Variants in ABCA4 observed in about 807,000 individuals in gnomAD.
ABCA4 encodes retinal-specific phospholipid-transporting ATPase ABCA4.
In ABCA4, 196 loss-of-function variants were observed where a neutral mutation model predicts 263.7. The observed-to-expected ratio is 0.74, with a 90% CI of 0.66 to 0.84. The LOEUF (loss-of-function observed/expected upper bound fraction) is 0.84, where lower values mean the gene tolerates loss of function less well. ABCA4 is among the 40% of genes least tolerant of loss of function. ABCA4 has a pLI of 0.00. For synonymous variants in ABCA4, 1,133 were observed against 1,094.2 expected (o/e 1.04, Z -0.70); for missense variants, 2,792 against 2,855.1 (o/e 0.98, Z 0.50).
chr1:94,050,138 T>C (rs1660794460), intron 17 of ABCA4, among the ~76,000 whole-genome samples: 1 of 152,228 alleles, frequency 6.6e-6, no homozygotes, highest in Non-Finnish European at 1.5e-5. Flanking sequence ...GTCAGGGACC[T>C]GCTGCCTCTA....
chr1:93,999,627 G>C (rs1659122420), intron 47 of ABCA4, among the ~76,000 whole-genome samples: 1 of 152,152 alleles, frequency 6.6e-6, no homozygotes, highest in African/African-American at 2.4e-5. Context: ...AGTACCCTAT[G>C]CCCTGGTATC....
rs1441831945 is a variant in ABCA4 at position 93,998,699 on chromosome 1, ATTTATTTTATTTTATTTAT to A, written c.6480-608_6480-590del. On this transcript the variant is annotated intron_variant, in intron 47 of 49. Transcript: ENST00000370225. ...ACTTGCTGAAGTCAAAGGTAGTTTT[ATTTATTTTATTTTATTTAT>A]TTTATTTTATTTTATTTTATTTTAT... Among the ~76,000 whole-genome samples, 14 of 138,756 alleles carry A rather than the reference ATTTATTTTATTTTATTTAT, an allele frequency of 1.0e-4. No individual in the cohort carries two copies. The East Asian group carries it at 3.0e-3, about 30-fold the overall frequency. The allele number at this position is 138,756 out of a possible 152,430, so 91.0% of individuals were successfully genotyped here. A position where few individuals can be genotyped will look rare whatever the true frequency, so the allele number is the denominator to read the frequency against.
chr1:94,102,930 GAAAAA>G, intron 5 of ABCA4, 80 bp downstream of exon 5: 3 of 1,581,362 alleles, frequency 1.9e-6, no homozygotes, highest in Non-Finnish European at 1.7e-6. Context: ...GAAGAAAGAA[GAAAAA>G]AGCCAATATA....
At chr1:94,063,376 C>T in intron 11 of ABCA4, 59 bp from the exon 12 acceptor site, 1 of 1,508,386 alleles carries the variant, frequency 6.6e-7, no homozygotes, top group East Asian at 2.3e-5. Flanking sequence ...AGACTCAACT[C>T]TACACACAGA....
At chr1:94,008,690 G>A in intron 41 of ABCA4, 61 bp downstream of exon 41, 1 of 1,611,554 alleles carries the variant, frequency 6.2e-7, no homozygotes, top group Non-Finnish European at 8.5e-7. Flanking sequence ...GAAGGAAAAT[G>A]GCAACATCAT....
intron 6 of ABCA4, among the ~76,000 whole-genome samples, chr1:94,096,967 T>C (rs1397478979): frequency 6.6e-6 from 1 of 152,184 alleles, no homozygotes; most frequent in East Asian, 1.9e-4. Flanking sequence ...CTCTGGTGGC[T>C]CTGCAAACAC....
chr1:94,045,441 A>T (rs1660646462), intron 19 of ABCA4, among the ~76,000 whole-genome samples: 1 of 152,132 alleles, frequency 6.6e-6, no homozygotes, highest in South Asian at 2.1e-4. Context: ...AAACTCAAAA[A>T]TATTATTACT....
At chr1:94,026,598 C>A (rs1660046220) in intron 30 of ABCA4, among the ~76,000 whole-genome samples, 1 of 152,160 alleles carries the variant, frequency 6.6e-6, no homozygotes, top group African/African-American at 2.4e-5. Flanking sequence ...CTGGTGGAAT[C>A]CAGGTTGGAA....
At chr1:94,091,636 T>C (rs1275947231) in intron 6 of ABCA4, among the ~76,000 whole-genome samples, 1 of 148,640 alleles carries the variant, frequency 6.7e-6, no homozygotes, top group Non-Finnish European at 1.5e-5. Flanking sequence ...CAATTTCCTA[T>C]GCCAAATAAG....
At chr1:94,107,169 T>C (rs574866384) in intron 4 of ABCA4, among the ~76,000 whole-genome samples, 7 of 152,274 alleles carry the variant, frequency 4.6e-5, no homozygotes, top group Non-Finnish European at 7.4e-5. Flanking sequence ...TGGTGACCCC[T>C]TTCTCATCCC....
At chr1:93,996,338 G>T in intron 48 of ABCA4, 143 bp from the exon 49 acceptor site, 1 of 719,456 alleles carries the variant, frequency 1.4e-6, no homozygotes, top group East Asian at 2.7e-5. Flanking sequence ...GGGGAGGCTG[G>T]CCCACTCACA....
At chr1:94,000,808 C>G (rs761111942) in intron 47 of ABCA4, 28 bp downstream of exon 47, 1 of 1,607,074 alleles carries the variant, frequency 6.2e-7, no homozygotes. Flanking sequence ...CAGAAGGCAA[C>G]AAGGGGCACG....
intron 7 of ABCA4, among the ~76,000 whole-genome samples, chr1:94,081,284 C>A (rs1661695193): frequency 6.6e-6 from 1 of 152,048 alleles, no homozygotes; most frequent in Admixed American, 6.6e-5. Flanking sequence ...TGTAGTATAG[C>A]CTCTCTTCTT....
At chr1:94,042,530 T>TTGGG (rs1557778059) in intron 22 of ABCA4, among the ~76,000 whole-genome samples, 10 of 152,208 alleles carry the variant, frequency 6.6e-5, no homozygotes, top group Admixed American at 5.2e-4. Context: ...GAGAATTTTC[T>TTGGG]AAAATATTTT....
intron 45 of ABCA4, chr1:94,001,626 G>T (rs1163894167): frequency 1.4e-6 from 1 of 692,610 alleles, no homozygotes. Flanking sequence ...GACATCCTGG[G>T]AACGCAGGAT....
rs914958 is a variant in ABCA4 at position 94,015,512 on chromosome 1, A to G, written c.5312+227T>C. Among the ~76,000 whole-genome samples, 36,007 of 152,066 alleles carry G rather than the reference A, an allele frequency of 0.24. 4,673 individuals are homozygous for G. Among genetic ancestry groups the G allele is most frequent in the Middle Eastern group, 0.44 (130 of 294 alleles). On this transcript the variant is annotated intron_variant, in intron 37 of 49. Coordinates refer to ENST00000370225, the MANE Select transcript of ABCA4 (RefSeq NM_000350.3). ...ATTCAGATCATGTGGGACTTCTCTC[A>G]TTGTCACTGACAGGACCAGGCCTCA...
At chr1:94,077,953 T>A (rs933362827) in intron 10 of ABCA4, 66 bp from the exon 11 acceptor site, 3 of 1,498,286 alleles carry the variant, frequency 2.0e-6, no homozygotes, top group African/African-American at 1.4e-5. Context: ...GTCTTGTTCT[T>A]CAGCCATTTC....
At chr1:94,000,479 G>A (rs1278116924) in intron 47 of ABCA4, among the ~76,000 whole-genome samples, 3 of 152,174 alleles carry the variant, frequency 2.0e-5, no homozygotes, top group Non-Finnish European at 2.9e-5. Context: ...CTACATTGGA[G>A]TGGACTCTTA....
At chr1:94,023,167 G>T (rs924864108) in intron 32 of ABCA4, among the ~76,000 whole-genome samples, 4 of 152,118 alleles carry the variant, frequency 2.6e-5, no homozygotes. Flanking sequence ...ATCAGGGAAT[G>T]CCACCCCCAC....
Sources: gnomAD v4.1 joint callset for allele counts (sites outside exome capture counted in the v4.1 genomes callset) on GRCh38, gnomAD v4.1.1 for gene constraint, MANE v1.5 for transcripts, NCBI Gene and HGNC (gene_info 2026-07-23, HGNC 2026-07-21) for gene names.